The following DNAH6 variants were observed in gnomAD, a reference collection of about 807,000 sequenced individuals.
DNAH6 encodes dynein axonemal heavy chain 6.
DNAH6 carries 340 observed loss-of-function variants against 491.4 expected under a neutral mutation model. That is an observed-to-expected ratio of 0.69 (90% CI 0.63 to 0.76). The LOEUF (loss-of-function observed/expected upper bound fraction) is 0.76, where lower values mean the gene tolerates loss of function less well. Among genes scored for constraint, DNAH6 ranks in the 30% least tolerant of loss-of-function variants. The pLI, the probability that DNAH6 is intolerant of heterozygous loss-of-function variation, is 0.00. For synonymous variants in DNAH6, 1,603 were observed against 1,686.1 expected (o/e 0.95, Z 1.21); for missense variants, 4,443 against 4,972.2 (o/e 0.89, Z 3.20).
At chr2:84,642,968 C>A (rs540835748) in intron 33 of DNAH6, among the ~76,000 whole-genome samples, 2 of 152,134 alleles carry the variant, frequency 1.3e-5, no homozygotes, top group African/African-American at 4.8e-5. Context: ...CATGCTCTTC[C>A]ATGCTCTTCC....
chr2:84,559,698 A>T (rs564372685), intron 11 of DNAH6, among the ~76,000 whole-genome samples: 22 of 152,344 alleles, frequency 1.4e-4, no homozygotes, highest in East Asian at 1.3e-3. Flanking sequence ...TAAAGAAATT[A>T]AAAAAATTAA....
chr2:84,690,196 G>C (rs557028558), intron 45 of DNAH6, among the ~76,000 whole-genome samples: 5 of 152,138 alleles, frequency 3.3e-5, no homozygotes, highest in South Asian at 2.1e-4. Context: ...TTTTAGCGTT[G>C]GTCCTTGTTA....
In DNAH6 at chr2:84,819,314, C is replaced by G; in HGVS notation, c.12383C>G (p.Thr4128Ser). 1.3e-6 allele frequency: 2 copies of G among 1,548,896 alleles called. No homozygotes were observed. Among genetic ancestry groups the G allele is most frequent in the Non-Finnish European group, 1.7e-6 (2 of 1,145,710 alleles). Residue 4128 changes from threonine (T) to serine (S), a missense_variant, in exon 77 of 77, where the codon ACC (threonine) becomes AGC (serine). Around this residue, in one of 3 missense-constraint regions of DNAH6, gnomAD observed 1,463 missense variants for 1,656.6 expected, o/e 0.88. Transcript: ENST00000389394. ...CTATATCCTTAATTAGGACATTCAA[C>G]CAATTTTGTGGTAACCGTCCTGTTA... ...AGTLSTTGHSTNFVVTVLLPS... is the reference protein window; with the variant it reads ...AGTLSTTGHSSNFVVTVLLPS...
At chr2:84,752,685 G>T (rs1356814924) in intron 63 of DNAH6, among the ~76,000 whole-genome samples, 1 of 151,414 alleles carries the variant, frequency 6.6e-6, no homozygotes, top group African/African-American at 2.4e-5. Flanking sequence ...TTTGTATCCT[G>T]TCCTTTCATT....
At chr2:84,550,101 A>G in intron 9 of DNAH6, 44 bp downstream of exon 9, 1 of 1,494,920 alleles carries the variant, frequency 6.7e-7, no homozygotes. Context: ...GTCAGCATTT[A>G]TTGAGGAGTG....
chr2:84,484,436 G>A, the DNAH6 span, among the ~76,000 whole-genome samples: 5 of 152,194 alleles, frequency 3.3e-5, no homozygotes, highest in Admixed American at 1.3e-4. Flanking sequence ...CAGACACAAT[G>A]TTCACCAAAA....
chr2:84,517,763 TC>T (rs1558653769), intron 1 of DNAH6, 55 bp from the exon 2 acceptor site: 3 of 1,368,352 alleles, frequency 2.2e-6, no homozygotes, highest in Non-Finnish European at 3.0e-6. Flanking sequence ...GTAGCCTCCT[TC>T]CCCAATCCTT....
chr2:84,498,372 A>G, the DNAH6 span, among the ~76,000 whole-genome samples: 1 of 152,214 alleles, frequency 6.6e-6, no homozygotes, highest in Non-Finnish European at 1.5e-5. Flanking sequence ...TTGCTTATTC[A>G]GAGCAGGCTC....
At chr2:84,490,838 G>C in the DNAH6 span, among the ~76,000 whole-genome samples, 1 of 152,132 alleles carries the variant, frequency 6.6e-6, no homozygotes, top group African/African-American at 2.4e-5. Context: ...CTGATTTACA[G>C]GTGTGAGCCA....
chr2:84,733,701 C>A, intron 62 of DNAH6, 122 bp downstream of exon 62: 1 of 918,270 alleles, frequency 1.1e-6, no homozygotes. Context: ...TCCTTCATTT[C>A]TAAGAAACTG....
chr2:84,748,007 C>T (rs996009546), intron 63 of DNAH6, among the ~76,000 whole-genome samples: 8 of 152,154 alleles, frequency 5.3e-5, no homozygotes, highest in South Asian at 2.1e-4. Flanking sequence ...CTCAGGACAG[C>T]GACGCCCAAG....
At chr2:84,537,858 A>G (rs1024869132) in intron 4 of DNAH6, among the ~76,000 whole-genome samples, 1 of 152,070 alleles carries the variant, frequency 6.6e-6, no homozygotes, top group Non-Finnish European at 1.5e-5. Context: ...TCACACTGAT[A>G]AGGAACTGTG....
chr2:84,762,746 A>T lies in DNAH6; in HGVS notation c.10513-9A>T, dbSNP rs1357785341. On this transcript the variant is annotated splice_polypyrimidine_tract_variant and intron_variant, in intron 63 of 76. Transcript: ENST00000389394. ...TTCAACATACTTTTTTTTTCTTTTCAACTTTCAGGTGGTTTTTGCTCTTAC... is the reference window on the plus strand; with the variant it reads ...TTCAACATACTTTTTTTTTCTTTTCTACTTTCAGGTGGTTTTTGCTCTTAC... 6.6e-6 allele frequency: 10 copies of T among 1,526,120 alleles called. No homozygotes were observed. The Admixed American group carries it at 6.8e-5, about 10-fold the overall frequency. The allele number at this position is 1,526,120 out of a possible 1,614,324, so 94.5% of individuals were successfully genotyped here.
chr2:84,772,958 T>C (rs1425016529), intron 64 of DNAH6, among the ~76,000 whole-genome samples: 3 of 151,746 alleles, frequency 2.0e-5, no homozygotes, highest in Admixed American at 6.6e-5. Context: ...TTTCAAACAC[T>C]AAAGGAATAA....
At chr2:84,680,616 G>A (rs975309310) in intron 41 of DNAH6, among the ~76,000 whole-genome samples, 5 of 151,954 alleles carry the variant, frequency 3.3e-5, no homozygotes, top group African/African-American at 7.3e-5. Flanking sequence ...CTAGTGTGGC[G>A]GGGACATGGG....
chr2:84,708,475 AGG>A (rs137904290), intron 54 of DNAH6, among the ~76,000 whole-genome samples: 2 of 49,694 alleles, frequency 4.0e-5, no homozygotes, highest in African/African-American at 1.7e-4. Flanking sequence ...AAAGAGAGAA[AGG>A]GGGGGGGGAG....
At chr2:84,794,635 C>G (rs1180786891) in intron 68 of DNAH6, among the ~76,000 whole-genome samples, 7 of 149,782 alleles carry the variant, frequency 4.7e-5, no homozygotes, top group African/African-American at 1.7e-4. Flanking sequence ...GAGATACCAT[C>G]TCACACCAGT....
Position 84,718,396 on chromosome 2 carries a change from AT to A in DNAH6, c.9792+17del. The stretch of plus-strand genomic sequence containing the variant: ...TCCAGGATTCAAAGGCAAGTAAAAT[AT>A]TTTTAGTACTTATGGAAAGTATGTT... On this transcript the variant is annotated intron_variant, in intron 59 of 76. Coordinates refer to ENST00000389394, the MANE Select transcript of DNAH6 (RefSeq NM_001370.2). 6.6e-7 allele frequency: 1 copy of A among 1,516,198 alleles called. No individual in the cohort carries two copies. The highest frequency in any genetic ancestry group is 8.8e-7 in the Non-Finnish European group (1 of 1,132,656). The allele number at this position is 1,516,198 out of a possible 1,614,324, so 93.9% of individuals were successfully genotyped here. A position where few individuals can be genotyped will look rare whatever the true frequency, so the allele number is the denominator to read the frequency against.
intron 51 of DNAH6, 62 bp downstream of exon 51, chr2:84,704,364 C>A: frequency 8.1e-7 from 1 of 1,230,366 alleles, no homozygotes. Flanking sequence ...CTGTTTTCCT[C>A]CATGGTAATG....
Sources: gnomAD v4.1 joint callset for allele counts (sites outside exome capture counted in the v4.1 genomes callset) on GRCh38, gnomAD v4.1.1 for gene constraint, gnomAD v4.1.1 regional missense constraint, MANE v1.5 for transcripts, NCBI Gene and HGNC (gene_info 2026-07-23, HGNC 2026-07-21) for gene names.